MAP4K3: variants seen among roughly 807,000 people sequenced by gnomAD.
The protein encoded by MAP4K3 is MAPK/ERK kinase kinase kinase 3.
Under a neutral mutation model 143.5 loss-of-function variants are expected in MAP4K3, and 94 were observed. The ratio of observed to expected loss-of-function variants is 0.65; its 90% CI spans 0.55 to 0.78. The LOEUF (loss-of-function observed/expected upper bound fraction) is 0.78, where lower values mean the gene tolerates loss of function less well. MAP4K3 is among the 30% of genes least tolerant of loss of function. The pLI is 0.00. For missense variants in MAP4K3, 1,077 were observed against 1,068.1 expected (o/e 1.01, Z -0.12); for synonymous variants, 416 against 347.2 (o/e 1.20, Z -2.20).
intron 1 of MAP4K3, among the ~76,000 whole-genome samples, chr2:39,395,307 C>G (rs1666775214): frequency 7.2e-6 from 1 of 138,386 alleles, no homozygotes; most frequent in Non-Finnish European, 1.5e-5. Flanking sequence ...TTTTACCAAA[C>G]AACCTACATG....
At chr2:39,371,075 C>G (rs1247048920) in intron 2 of MAP4K3, among the ~76,000 whole-genome samples, 5 of 152,128 alleles carry the variant, frequency 3.3e-5, no homozygotes, top group African/African-American at 4.8e-5. Context: ...GGATCAGCCA[C>G]AGACCACAGG....
At position 39,278,481 on chromosome 2, in the gene MAP4K3, A is replaced by G. The variant is rs1681371697; in HGVS notation, c.1720T>C (p.Tyr574His). The change falls in exon 24 of 34, where the codon TAC becomes CAC. Residue 574 changes from tyrosine to histidine, a missense_variant. By Grantham distance (83) the Tyr-to-His change is moderately conservative. Around this residue, in one of 2 missense-constraint regions of MAP4K3, gnomAD observed 864 missense variants for 801.2 expected, o/e 1.08. Transcript: ENST00000263881. ...SWINPDTRDQYLIFGAEEGIY... is the reference protein window; with the variant it reads ...SWINPDTRDQHLIFGAEEGIY... The stretch of plus-strand genomic sequence containing the variant: ...CCTTCTTCGGCACCAAATATCAAGT[A>G]CTGATCTGAAATAAAAGTAATTCAC... 2 of 1,569,126 alleles carry G rather than the reference A, an allele frequency of 1.3e-6. No individual in the cohort carries two copies. The highest frequency in any genetic ancestry group is 1.2e-5 in the South Asian group (1 of 83,306).
At chr2:39,359,837 C>T (rs1665716585) in intron 2 of MAP4K3, among the ~76,000 whole-genome samples, 1 of 152,234 alleles carries the variant, frequency 6.6e-6, no homozygotes, top group Non-Finnish European at 1.5e-5. Context: ...GGATGCAGAG[C>T]ACCAAGTCCC....
intron 28 of MAP4K3, among the ~76,000 whole-genome samples, chr2:39,264,791 G>T (rs1398729856): frequency 6.6e-6 from 1 of 152,102 alleles, no homozygotes; most frequent in Non-Finnish European, 1.5e-5. Flanking sequence ...TAATGGGTGG[G>T]TATATAACTA....
intron 1 of MAP4K3, among the ~76,000 whole-genome samples, chr2:39,391,936 A>G (rs1009157085): frequency 6.6e-6 from 1 of 152,026 alleles, no homozygotes; most frequent in African/African-American, 2.4e-5. Flanking sequence ...TAATCCTAGC[A>G]CTTTGGGAGG....
At chr2:39,402,374 C>CT (rs1461515718) in intron 1 of MAP4K3, among the ~76,000 whole-genome samples, 2 of 152,064 alleles carry the variant, frequency 1.3e-5, no homozygotes, top group East Asian at 3.9e-4. Flanking sequence ...TTGAAGAAAA[C>CT]CATAAACCTA....
chr2:39,409,502 G>A (rs1462593521), intron 1 of MAP4K3, among the ~76,000 whole-genome samples: 1 of 152,068 alleles, frequency 6.6e-6, no homozygotes, highest in Non-Finnish European at 1.5e-5. Flanking sequence ...GCTGAGGCAG[G>A]AGAATCATTT....
chr2:39,366,290 G>A (rs1374016990), intron 2 of MAP4K3, among the ~76,000 whole-genome samples: 1 of 151,686 alleles, frequency 6.6e-6, no homozygotes, highest in African/African-American at 2.4e-5. Flanking sequence ...GGGTGGAGGT[G>A]GTGGCTTCCA....
At chr2:39,257,377 T>C (rs1317825681) in intron 31 of MAP4K3, among the ~76,000 whole-genome samples, 2 of 152,172 alleles carry the variant, frequency 1.3e-5, no homozygotes, top group African/African-American at 4.8e-5. Context: ...ATACTTAAAA[T>C]TCTCTGAGCA....
chr2:39,269,349 T>C (rs1483713614), intron 26 of MAP4K3, among the ~76,000 whole-genome samples: 1 of 152,052 alleles, frequency 6.6e-6, no homozygotes, highest in Non-Finnish European at 1.5e-5. Context: ...GCTATAATTT[T>C]AGCTTCATTT....
At chr2:39,365,458 G>A (rs1665895586) in intron 2 of MAP4K3, among the ~76,000 whole-genome samples, 1 of 91,610 alleles carries the variant, frequency 1.1e-5, no homozygotes, top group African/African-American at 4.3e-5. Flanking sequence ...TTTTTTTTGA[G>A]ACGGAGTCTC....
In MAP4K3 at chr2:39,347,595, A is replaced by AT. The variant is rs1442909948; in HGVS notation, c.246-4144dup. ...TAATTTATATTGTAGTGTACAAGTC[A>AT]TCTTAATTTAAGTGTAGTGTAACTT... On this transcript the variant is annotated intron_variant, in intron 3 of 33. Coordinates refer to ENST00000263881, the MANE Select transcript of MAP4K3 (RefSeq NM_003618.4). Among the ~76,000 whole-genome samples the AT allele has an allele frequency of 3.3e-5, 5 of 151,912 alleles. No homozygotes were observed. In the South Asian group the frequency reaches 1.0e-3, roughly 31 times the overall value.
At chr2:39,311,733 T>G (rs1367521911) in intron 13 of MAP4K3, among the ~76,000 whole-genome samples, 4 of 152,270 alleles carry the variant, frequency 2.6e-5, no homozygotes, top group Non-Finnish European at 4.4e-5. Context: ...AACATTCAGA[T>G]GACTCCAGCC....
chr2:39,423,734 A>G (rs1277508956), intron 1 of MAP4K3, among the ~76,000 whole-genome samples: 2 of 152,240 alleles, frequency 1.3e-5, no homozygotes, highest in Non-Finnish European at 2.9e-5. Context: ...GAGACAGTAA[A>G]AAGATCAGTG....
At chr2:39,266,857 T>C (rs760002235) in intron 27 of MAP4K3, among the ~76,000 whole-genome samples, 1 of 151,268 alleles carries the variant, frequency 6.6e-6, no homozygotes, top group Non-Finnish European at 1.5e-5. Flanking sequence ...AGCAGAATGG[T>C]GAATGGTACG....
At chr2:39,298,297 G>C (rs1361088748) in intron 16 of MAP4K3, among the ~76,000 whole-genome samples, 1 of 151,780 alleles carries the variant, frequency 6.6e-6, no homozygotes, top group Non-Finnish European at 1.5e-5. Context: ...CATTTTCTCT[G>C]CCAAGAAAAT....
chr2:39,359,165 G>A (rs1665694655), intron 2 of MAP4K3, among the ~76,000 whole-genome samples: 2 of 152,184 alleles, frequency 1.3e-5, no homozygotes, highest in African/African-American at 4.8e-5. Flanking sequence ...AAATACAGCT[G>A]TTCCAATGGG....
intron 24 of MAP4K3, among the ~76,000 whole-genome samples, chr2:39,275,459 G>A (rs530903072): frequency 2.0e-5 from 3 of 152,300 alleles, no homozygotes; most frequent in East Asian, 1.9e-4. Flanking sequence ...TCCAGCCTGG[G>A]TGACAGAATG....
intron 18 of MAP4K3, among the ~76,000 whole-genome samples, chr2:39,292,036 AT>A: frequency 6.6e-6 from 1 of 151,810 alleles, no homozygotes; most frequent in South Asian, 2.1e-4. Context: ...CTGCATCTTT[AT>A]TAAAAAAAAA....
Sources: gnomAD v4.1 joint callset for allele counts (sites outside exome capture counted in the v4.1 genomes callset) on GRCh38, gnomAD v4.1.1 for gene constraint, gnomAD v4.1.1 regional missense constraint, MANE v1.5 for transcripts, NCBI Gene and HGNC (gene_info 2026-07-23, HGNC 2026-07-21) for gene names.